SLC16A7: variants seen among roughly 807,000 people sequenced by gnomAD.
SLC16A7 encodes the protein monocarboxylate transporter 2.
In SLC16A7, 33 loss-of-function variants were observed where a neutral mutation model predicts 34.9. The observed-to-expected ratio is 0.94, with a 90% confidence interval of 0.72 to 1.26. The LOEUF (loss-of-function observed/expected upper bound fraction) is 1.26, where lower values mean the gene tolerates loss of function less well. SLC16A7 is among the 50% of genes most tolerant of loss of function. SLC16A7 has a pLI of 0.00. For synonymous variants in SLC16A7, 201 were observed against 206.6 expected, an observed-to-expected ratio of 0.97 and a Z score of 0.23; for missense variants, 573 against 578.1, an observed-to-expected ratio of 0.99 and a Z score of 0.09.
chr12:59,664,258 C>T (rs1343718057), intron 2 of SLC16A7, among the ~76,000 whole-genome samples: 1 of 152,082 alleles, frequency 6.6e-6, no homozygotes, highest in Non-Finnish European at 1.5e-5. Context: ...TAATAAATTA[C>T]ACCACTGCAT....
chr12:59,719,780 G>A (rs891546362), intron 3 of SLC16A7: 3 of 287,494 alleles, frequency 1.0e-5, no homozygotes, highest in African/African-American at 2.2e-5. Flanking sequence ...CAGAGAACTG[G>A]TTGCAAATTG....
At chr12:59,635,308 T>G (rs139485021) in intron 1 of SLC16A7, among the ~76,000 whole-genome samples, 2,326 of 152,190 alleles carry the variant, frequency 0.015, 60 homozygotes, top group African/African-American at 0.052. Context: ...CTTGAATTTC[T>G]GCCCCTTATT....
chr12:59,726,375 G>A (rs190477041), intron 3 of SLC16A7, among the ~76,000 whole-genome samples: 441 of 151,972 alleles, frequency 2.9e-3, no homozygotes, highest in Non-Finnish European at 4.1e-3. Flanking sequence ...GTAGATTAGT[G>A]GAAATATTAA....
intron 1 of SLC16A7, among the ~76,000 whole-genome samples, chr12:59,613,176 G>A (rs1427628384): frequency 6.6e-6 from 1 of 152,240 alleles, no homozygotes; most frequent in African/African-American, 2.4e-5. Flanking sequence ...GGTGGAAGGG[G>A]AAGCAAACAC....
intron 3 of SLC16A7, among the ~76,000 whole-genome samples, chr12:59,730,176 C>T (rs1876765579): frequency 6.6e-6 from 1 of 150,580 alleles, no homozygotes; most frequent in Non-Finnish European, 1.5e-5. Flanking sequence ...TATTTCCTCA[C>T]TGTTTGCAGG....
rs531054971 is a variant in SLC16A7 at position 59,671,821 on chromosome 12, GTATATGTA to G, written c.-31+16587_-31+16594del. Among the ~76,000 whole-genome samples the G allele has an allele frequency of 3.5e-4, 48 of 137,108 alleles. 1 individual carries two copies. The East Asian group carries it at 3.7e-3, about 11-fold the overall frequency. The allele number at this position is 137,108 out of a possible 152,430, so 89.9% of individuals were successfully genotyped here. On this transcript the variant is annotated intron_variant, in intron 2 of 5. Coordinates refer to ENST00000547379, the MANE Select transcript of SLC16A7 (RefSeq NM_001270623.2). ...TATGTATATATGTGTATATATATGTGTATATGTATATATGTATATATGTGTATATATAT... is the reference window on the plus strand; with the variant it reads ...TATGTATATATGTGTATATATATGTGTATATGTATATATGTGTATATATAT...
At chr12:59,735,514 CT>C (rs1877485826) in intron 3 of SLC16A7, among the ~76,000 whole-genome samples, 1 of 152,040 alleles carries the variant, frequency 6.6e-6, no homozygotes, top group Non-Finnish European at 1.5e-5. Flanking sequence ...AATAAGAGTT[CT>C]GTTTGTGGTA....
chr12:59,694,192 A>G (rs1872002851), intron 2 of SLC16A7, among the ~76,000 whole-genome samples: 1 of 151,874 alleles, frequency 6.6e-6, no homozygotes, highest in Admixed American at 6.6e-5. Context: ...TTGTAGGGGG[A>G]ATAAGCTTTA....
At position 59,626,528 on chromosome 12, in the gene SLC16A7, T is replaced by C. The variant is rs1391894306; in HGVS notation, c.-129-28624T>C. ...ATGAGTACAACTGAGCCTCAGGCACTTTAAGTGACTCACTTGAAGTCACAT... is the reference window on the plus strand; with the variant it reads ...ATGAGTACAACTGAGCCTCAGGCACCTTAAGTGACTCACTTGAAGTCACAT... On this transcript the variant is annotated intron_variant, in intron 1 of 5. Coordinates refer to ENST00000547379, the MANE Select transcript of SLC16A7 (RefSeq NM_001270623.2). Among the ~76,000 whole-genome samples, 3 of 151,880 alleles carry C rather than the reference T, an allele frequency of 2.0e-5. No homozygotes were observed. In the East Asian group the frequency reaches 5.8e-4, roughly 30 times the overall value.
At chr12:59,628,172 A>G (rs1880009475) in intron 1 of SLC16A7, among the ~76,000 whole-genome samples, 1 of 151,782 alleles carries the variant, frequency 6.6e-6, no homozygotes, top group Non-Finnish European at 1.5e-5. Flanking sequence ...TTGACCTCAA[A>G]GCAGTTTTAC....
chr12:59,754,359 G>T (rs1337779046), intron 3 of SLC16A7, among the ~76,000 whole-genome samples: 2 of 151,970 alleles, frequency 1.3e-5, no homozygotes, highest in South Asian at 4.1e-4. Context: ...TAGACTGCTA[G>T]CAAGACTAAT....
At chr12:59,687,522 G>A (rs1051669967) in intron 2 of SLC16A7, among the ~76,000 whole-genome samples, 23 of 151,974 alleles carry the variant, frequency 1.5e-4, no homozygotes, top group Admixed American at 1.4e-3. Flanking sequence ...CCTCACTATT[G>A]CCTGCCCATC....
At chr12:59,710,651 T>C (rs571540251) in intron 3 of SLC16A7, among the ~76,000 whole-genome samples, 24 of 152,312 alleles carry the variant, frequency 1.6e-4, no homozygotes, top group African/African-American at 5.5e-4. Context: ...CACTTACTGA[T>C]GTATAAAAAG....
intron 3 of SLC16A7, among the ~76,000 whole-genome samples, chr12:59,752,739 C>T (rs1879736135): frequency 1.3e-5 from 2 of 152,104 alleles, no homozygotes; most frequent in South Asian, 4.1e-4. Context: ...CATTCAGGTT[C>T]AGGAAATACA....
At chr12:59,728,317 A>C (rs1876531773) in intron 3 of SLC16A7, among the ~76,000 whole-genome samples, 1 of 152,176 alleles carries the variant, frequency 6.6e-6, no homozygotes, top group African/African-American at 2.4e-5. Flanking sequence ...ACATCCTGGC[A>C]TCCAGTGCAT....
At chr12:59,703,078 C>T (rs576254313) in intron 2 of SLC16A7, among the ~76,000 whole-genome samples, 2 of 151,970 alleles carry the variant, frequency 1.3e-5, no homozygotes, top group South Asian at 4.2e-4. Flanking sequence ...AGTGAGATCC[C>T]CTTATCCATT....
chr12:59,752,382 A>G (rs1229876449), intron 3 of SLC16A7, among the ~76,000 whole-genome samples: 1 of 152,210 alleles, frequency 6.6e-6, no homozygotes, highest in African/African-American at 2.4e-5. Context: ...ATGTATAACT[A>G]GAATAACCAA....
intron 1 of SLC16A7, among the ~76,000 whole-genome samples, chr12:59,633,393 A>G (rs1880273111): frequency 6.6e-6 from 1 of 152,036 alleles, no homozygotes; most frequent in Non-Finnish European, 1.5e-5. Context: ...ATTGTATTGT[A>G]TGTAGTCTAC....
At chr12:59,757,385 C>T (rs1176224466) in intron 3 of SLC16A7, among the ~76,000 whole-genome samples, 2 of 151,982 alleles carry the variant, frequency 1.3e-5, no homozygotes, top group Non-Finnish European at 2.9e-5. Flanking sequence ...ACATGTATCC[C>T]AGAACTTTAA....
Sources: allele counts gnomAD v4.1 joint callset (sites outside exome capture counted in the v4.1 genomes callset), GRCh38; gene constraint gnomAD v4.1.1; transcripts MANE v1.5; gene names NCBI Gene and HGNC (gene_info 2026-07-23, HGNC 2026-07-21).